Variants in RNF24 observed in about 807,000 individuals in gnomAD.
The protein encoded by RNF24 is ring finger protein 24.
RNF24 carries 14 observed loss-of-function variants against 20.0 expected under a neutral mutation model. That is an observed-to-expected ratio of 0.70 (90% CI 0.46 to 1.10). The LOEUF (loss-of-function observed/expected upper bound fraction) is 1.10. Among genes scored for constraint, RNF24 ranks in the 50% least tolerant of loss-of-function variants. The probability of loss-of-function intolerance (pLI) is 0.00; values close to 1 mark genes in which losing one functional copy is unlikely to be tolerated. For synonymous variants in RNF24, 45 were observed against 61.1 expected (o/e 0.74, Z 1.23); for missense variants, 124 against 177.6 (o/e 0.70, Z 1.71).
At chr20:3,971,594 A>G (rs1159023676) in intron 1 of RNF24, among the ~76,000 whole-genome samples, 1 of 152,192 alleles carries the variant, frequency 6.6e-6, no homozygotes, top group Non-Finnish European at 1.5e-5. Context: ...AAAATAAGGG[A>G]GGATAAAGGG....
chr20:3,953,074 T>C (rs1417421028), intron 2 of RNF24, among the ~76,000 whole-genome samples: 1 of 152,228 alleles, frequency 6.6e-6, no homozygotes, highest in Non-Finnish European at 1.5e-5. Context: ...ATTGGAGTGG[T>C]ATTTTTTTCC....
At chr20:3,959,173 C>G (rs1454565741) in intron 2 of RNF24, among the ~76,000 whole-genome samples, 1 of 152,188 alleles carries the variant, frequency 6.6e-6, no homozygotes, top group Non-Finnish European at 1.5e-5. Flanking sequence ...TATTAAACAT[C>G]TTCAGACCCC....
chr20:3,963,441 C>T (rs2091224802), intron 2 of RNF24, among the ~76,000 whole-genome samples: 1 of 152,238 alleles, frequency 6.6e-6, no homozygotes, highest in Non-Finnish European at 1.5e-5. Context: ...GATCCACTCG[C>T]CTGGGCCTCC....
At chr20:3,985,436 TTG>T (rs1979800977) in intron 1 of RNF24, among the ~76,000 whole-genome samples, 1 of 152,064 alleles carries the variant, frequency 6.6e-6, no homozygotes, top group Non-Finnish European at 1.5e-5. Flanking sequence ...TTAATAGCCT[TTG>T]TGTTTTTTAT....
At chr20:3,974,087 TCTATC>T (rs2147010285) in intron 1 of RNF24, among the ~76,000 whole-genome samples, 1 of 148,746 alleles carries the variant, frequency 6.7e-6, no homozygotes, top group Admixed American at 6.7e-5. Context: ...ATCAATGTAA[TCTATC>T]CATATTAAAT....
Position 3,932,711 on chromosome 20 carries a change from T to A in RNF24, c.*1352A>T, listed in dbSNP as rs2090839220. On this transcript the variant is annotated 3_prime_UTR_variant, in exon 6 of 6. Coordinates refer to ENST00000358395, the MANE Select transcript of RNF24 (RefSeq NM_001134337.3). ...GTGGAGCAAAGCAGTTGACGAGGAA[T>A]TGAGGCAGGCGCTCCTAAGATGGAG... 1 of 390,900 alleles carries A rather than the reference T, an allele frequency of 2.6e-6. No individual in the cohort carries two copies. Among genetic ancestry groups the A allele is most frequent in the South Asian group, 1.4e-4 (1 of 6,950 alleles). 24.2% of individuals were successfully genotyped at this position (390,900 alleles called of 1,614,324 possible).
intron 1 of RNF24, among the ~76,000 whole-genome samples, chr20:3,991,235 T>C (rs1410741869): frequency 6.7e-6 from 1 of 148,224 alleles, no homozygotes; most frequent in Non-Finnish European, 1.5e-5. Flanking sequence ...TTTTTATTTA[T>C]TTTTTAAACA....
rs1463050250 is a variant in RNF24, at chr20:3,933,801, G to T, written c.*262C>A. The T allele has an allele frequency of 6.6e-6, 2 of 301,294 alleles. No individual in the cohort carries two copies. The highest frequency in any genetic ancestry group is 1.2e-5 in the Non-Finnish European group (2 of 164,176). The allele number at this position is 301,294 out of a possible 1,614,324, so 18.7% of individuals were successfully genotyped here. The stretch of plus-strand genomic sequence containing the variant: ...AGAGAGAGTGTAATGGAGTTAGTAA[G>T]AGACCCTCATGAAGTTTCTTGAGGC... On this transcript the variant is annotated 3_prime_UTR_variant, in exon 6 of 6. Transcript: ENST00000358395.
intron 1 of RNF24, among the ~76,000 whole-genome samples, chr20:3,965,604 C>T (rs967923378): frequency 1.2e-4 from 19 of 152,102 alleles, no homozygotes; most frequent in African/African-American, 2.7e-4. Context: ...GATCTTCTTA[C>T]GAAGGGAAGG....
intron 1 of RNF24, among the ~76,000 whole-genome samples, chr20:3,979,166 G>A (rs1979175940): frequency 6.6e-6 from 1 of 150,650 alleles, no homozygotes; most frequent in African/African-American, 2.4e-5. Context: ...GTGTGCGTGT[G>A]TGTGTATAAC....
intron 2 of RNF24, among the ~76,000 whole-genome samples, chr20:3,952,582 G>A (rs988875854): frequency 1.4e-4 from 19 of 135,692 alleles, no homozygotes; most frequent in Admixed American, 5.2e-4. Flanking sequence ...CTTTTTTCCC[G>A]TTTTTTTTTT....
At chr20:3,963,819 C>A in intron 2 of RNF24, 56 bp downstream of exon 2, 1 of 1,403,548 alleles carries the variant, frequency 7.1e-7, no homozygotes, top group Non-Finnish European at 9.7e-7. Context: ...AGGACAGAAA[C>A]TTGATTATTG....
intron 2 of RNF24, among the ~76,000 whole-genome samples, chr20:3,948,653 T>C (rs1440623112): frequency 6.6e-6 from 1 of 151,870 alleles, no homozygotes; most frequent in Non-Finnish European, 1.5e-5. Context: ...AGGATAACTG[T>C]TGCTCATATC....
chr20:3,997,045 C>T (rs1458929579), intron 1 of RNF24, among the ~76,000 whole-genome samples: 1 of 151,174 alleles, frequency 6.6e-6, no homozygotes, highest in Non-Finnish European at 1.5e-5. Flanking sequence ...ACGGTGAAAC[C>T]CCATTCTCTA....
Position 3,963,902 on chromosome 20 carries a change from C to G in RNF24, c.116G>C (p.Ser39Thr), listed in dbSNP as rs149584809. 3 of 1,596,726 alleles carry G rather than the reference C, an allele frequency of 1.9e-6. No individual in the cohort carries two copies. Among genetic ancestry groups the G allele is most frequent in the Non-Finnish European group, 2.6e-6 (3 of 1,171,434 alleles). ...AATCAAGTAGCAACAGAAGAGTAAACTAAGGATGAAGACAAATATAGCAGT... is the reference window on the plus strand; with the variant it reads ...AATCAAGTAGCAACAGAAGAGTAAAGTAAGGATGAAGACAAATATAGCAGT... ...FGTAIFVFIL[S>T]LLFCCYLIRL... is the part of the protein sequence containing the mutation. The change falls in exon 2 of 6, where the codon AGT becomes ACT. Residue 39 changes from serine (S) to threonine (T), a missense_variant. Physicochemically the swap from Ser to Thr is moderately conservative, Grantham distance 58 (BLOSUM62 1). Transcript: ENST00000358395.
chr20:3,947,283 G>A (rs567331934), intron 3 of RNF24, among the ~76,000 whole-genome samples: 1 of 152,318 alleles, frequency 6.6e-6, no homozygotes, highest in East Asian at 1.9e-4. Context: ...ATAAGCTGAA[G>A]CTCCCCTGTA....
At chr20:3,989,638 C>A (rs1980254376) in intron 1 of RNF24, among the ~76,000 whole-genome samples, 1 of 152,150 alleles carries the variant, frequency 6.6e-6, no homozygotes, top group South Asian at 2.1e-4. Flanking sequence ...ACTGTATTTT[C>A]CTGCTGTTTT....
chr20:3,943,300 G>GGTTTTTTTTTTTT (rs1568617939), intron 4 of RNF24, among the ~76,000 whole-genome samples: 1 of 149,372 alleles, frequency 6.7e-6, no homozygotes. Flanking sequence ...ATCCCAGCAG[G>GGTTTTTTTTTTTT]ATTTTTTTTT....
At chr20:4,009,966 G>A (rs528346691) in intron 1 of RNF24, among the ~76,000 whole-genome samples, 2 of 152,020 alleles carry the variant, frequency 1.3e-5, no homozygotes, top group African/African-American at 4.8e-5. Context: ...CAGGAGAATC[G>A]CTTGAACCTG....
Sources: allele counts gnomAD v4.1 joint callset (sites outside exome capture counted in the v4.1 genomes callset), GRCh38; gene constraint gnomAD v4.1.1; transcripts MANE v1.5; gene names NCBI Gene and HGNC (gene_info 2026-07-23, HGNC 2026-07-21).